PPP1R21: variants seen among roughly 807,000 people sequenced by gnomAD.
The protein encoded by PPP1R21 is protein phosphatase 1 regulatory subunit 21, also known as KLRAQ motif containing 1.
In PPP1R21, 85 loss-of-function variants were observed where a neutral mutation model predicts 112.8. The observed-to-expected ratio is 0.75, with a 90% CI of 0.63 to 0.90. The LOEUF (loss-of-function observed/expected upper bound fraction) is 0.90. Among genes scored for constraint, PPP1R21 ranks in the 40% least tolerant of loss-of-function variants. The probability of loss-of-function intolerance (pLI) is 0.00; values close to 1 mark genes in which losing one functional copy is unlikely to be tolerated. For synonymous variants in PPP1R21, 381 were observed against 322.3 expected (o/e 1.18, Z -1.95); for missense variants, 1,199 against 901.5 (o/e 1.33, Z -4.23).
rs773793209 is a variant in PPP1R21 at position 48,440,909 on chromosome 2, G to T, written c.-45G>T. 7 of 1,462,764 alleles carry T rather than the reference G, an allele frequency of 4.8e-6. No homozygotes were observed. Among genetic ancestry groups the T allele is most frequent in the Non-Finnish European group, 6.6e-6 (7 of 1,058,452 alleles). The allele number at this position is 1,462,764 out of a possible 1,614,324, so 90.6% of individuals were successfully genotyped here. On this transcript the variant is annotated 5_prime_UTR_variant, in exon 1 of 22. Transcript: ENST00000294952. ...GTCTGGGTTTGGGGGCGGGAGACAG[G>T]CTGAGCCGCCTGGGCGGCCTGGCCT...
At chr2:48,488,683 A>G (rs1669423270) in intron 14 of PPP1R21, among the ~76,000 whole-genome samples, 2 of 152,198 alleles carry the variant, frequency 1.3e-5, no homozygotes, top group Admixed American at 6.6e-5. Flanking sequence ...ATGTCATCTC[A>G]AGGAAAGATA....
chr2:48,464,855 G>C (rs1043144881), intron 7 of PPP1R21, 82 bp from the exon 8 acceptor site: 5 of 1,033,228 alleles, frequency 4.8e-6, no homozygotes, highest in Admixed American at 2.6e-5. Flanking sequence ...TTTTGCTTCA[G>C]AGCATTCATT....
At chr2:48,510,378 C>T (rs1484925975) in intron 20 of PPP1R21, among the ~76,000 whole-genome samples, 2 of 152,120 alleles carry the variant, frequency 1.3e-5, no homozygotes, top group African/African-American at 4.8e-5. Context: ...ATTTTTCTTT[C>T]CCCTTCCTTG....
At chr2:48,481,083 G>C (rs1668989651) in intron 13 of PPP1R21, among the ~76,000 whole-genome samples, 1 of 152,166 alleles carries the variant, frequency 6.6e-6, no homozygotes, top group African/African-American at 2.4e-5. Context: ...TTGCCTCCTG[G>C]GTTCAAGTGA....
intron 13 of PPP1R21, 117 bp downstream of exon 13, chr2:48,480,133 G>A (rs756359482): frequency 6.7e-6 from 5 of 743,596 alleles, no homozygotes; most frequent in Non-Finnish European, 1.2e-5. Context: ...AGGCTTATTA[G>A]CATTTGGCTT....
At chr2:48,513,925 C>G (rs1329836298) in intron 21 of PPP1R21, among the ~76,000 whole-genome samples, 1 of 152,198 alleles carries the variant, frequency 6.6e-6, no homozygotes, top group Non-Finnish European at 1.5e-5. Context: ...AAGTCATCTT[C>G]TCTCTGATTT....
rs776627514 is a variant in PPP1R21 at position 48,465,503 on chromosome 2, G to A, written c.758G>A (p.Arg253Gln). Reference sequence around the variant, plus strand: ...TTTTTCATTTTAAAGCTGAAGATGCGAGATATTGCTGGGCAGGCCCTGGCT... The same window carrying A: ...TTTTTCATTTTAAAGCTGAAGATGCAAGATATTGCTGGGCAGGCCCTGGCT... Reference protein sequence around the residue: ...LHNRRHQLKMRDIAGQALAFV... With the variant: ...LHNRRHQLKMQDIAGQALAFV... Residue 253 changes from arginine (R) to glutamine (Q), a missense_variant, in exon 9 of 22, where the codon CGA (arginine) becomes CAA (glutamine). By Grantham distance (43) the Arg-to-Gln change is conservative. Coordinates refer to ENST00000294952, the MANE Select transcript of PPP1R21 (RefSeq NM_001135629.3). 3.1e-6 allele frequency: 5 copies of A among 1,607,658 alleles called. No individual in the cohort carries two copies. The highest frequency in any genetic ancestry group is 1.7e-5 in the Admixed American group (1 of 58,146).
At chr2:48,498,275 A>AG (rs1405085238) in intron 16 of PPP1R21, among the ~76,000 whole-genome samples, 4 of 117,148 alleles carry the variant, frequency 3.4e-5, no homozygotes, top group Non-Finnish European at 8.6e-5. Context: ...CAATGAGTAG[A>AG]GTTTTTTTTT....
chr2:48,480,099 C>A, intron 13 of PPP1R21, 83 bp downstream of exon 13: 1 of 948,756 alleles, frequency 1.1e-6, no homozygotes, highest in Non-Finnish European at 1.7e-6. Flanking sequence ...ACAAACACTG[C>A]CAAGGGTAAT....
At chr2:48,466,464 T>C (rs1449749869) in intron 9 of PPP1R21, among the ~76,000 whole-genome samples, 1 of 151,800 alleles carries the variant, frequency 6.6e-6, no homozygotes, top group Admixed American at 6.6e-5. Flanking sequence ...TGACCTCAGG[T>C]GATCTGCCTG....
At chr2:48,507,750 T>C (rs145658972) in intron 19 of PPP1R21, among the ~76,000 whole-genome samples, 149 of 31,342 alleles carry the variant, frequency 4.8e-3, no homozygotes, top group Non-Finnish European at 8.3e-3. Flanking sequence ...AGGCTCTGCC[T>C]TTTTTTTTTT....
chr2:48,474,263 A>G (rs1203356406), intron 11 of PPP1R21, among the ~76,000 whole-genome samples: 4 of 152,102 alleles, frequency 2.6e-5, no homozygotes, highest in African/African-American at 9.7e-5. Flanking sequence ...GGTGCCTGTA[A>G]TCCCAGCAAC....
At chr2:48,480,834 A>G (rs1668979260) in intron 13 of PPP1R21, among the ~76,000 whole-genome samples, 1 of 152,176 alleles carries the variant, frequency 6.6e-6, no homozygotes, top group Non-Finnish European at 1.5e-5. Context: ...TTAAAAACCT[A>G]AAGCTGTGTT....
chr2:48,479,728 C>T (rs758875403), intron 12 of PPP1R21, among the ~76,000 whole-genome samples, 196 bp from the exon 13 acceptor site: 5 of 152,202 alleles, frequency 3.3e-5, no homozygotes, highest in Non-Finnish European at 5.9e-5. Flanking sequence ...TATTTGTGGA[C>T]ATAGGAGATG....
chr2:48,459,416 A>G (rs1314695963), intron 4 of PPP1R21, among the ~76,000 whole-genome samples: 1 of 152,224 alleles, frequency 6.6e-6, no homozygotes, highest in Non-Finnish European at 1.5e-5. Flanking sequence ...TATGCCAGAC[A>G]TTGTTTAAAA....
intron 4 of PPP1R21, 75 bp downstream of exon 4, chr2:48,458,302 TAG>T: frequency 1.1e-6 from 1 of 922,940 alleles, no homozygotes; most frequent in Non-Finnish European, 1.8e-6. Flanking sequence ...CTAATGCACA[TAG>T]AGTGTTTTGT....
At chr2:48,495,994 A>G (rs1669818405) in intron 16 of PPP1R21, among the ~76,000 whole-genome samples, 1 of 152,248 alleles carries the variant, frequency 6.6e-6, no homozygotes, top group Admixed American at 6.5e-5. Flanking sequence ...TTGGAACTAA[A>G]GTAATATCAA....
At chr2:48,486,845 G>A (rs1669324968) in intron 14 of PPP1R21, 87 bp downstream of exon 14, 2 of 1,439,118 alleles carry the variant, frequency 1.4e-6, no homozygotes, top group African/African-American at 2.9e-5. Context: ...ATCTGTAAAA[G>A]GATTTTGTAA....
intron 15 of PPP1R21, among the ~76,000 whole-genome samples, chr2:48,491,776 A>G (rs780936594): frequency 1.3e-5 from 2 of 152,154 alleles, no homozygotes; most frequent in African/African-American, 2.4e-5. Context: ...TAATGCATTG[A>G]GGATATATTT....
Sources: gnomAD v4.1 joint callset for allele counts (sites outside exome capture counted in the v4.1 genomes callset) on GRCh38, gnomAD v4.1.1 for gene constraint, MANE v1.5 for transcripts, NCBI Gene and HGNC (gene_info 2026-07-23, HGNC 2026-07-21) for gene names.